FAM13C: variants seen among roughly 807,000 people sequenced by gnomAD.
FAM13C encodes family with sequence similarity 13 member C.
Under a neutral mutation model 73.2 loss-of-function variants are expected in FAM13C, and 37 were observed. That is an observed-to-expected ratio of 0.51 (90% confidence interval 0.39 to 0.67). The LOEUF (loss-of-function observed/expected upper bound fraction) is 0.67. Ranked by LOEUF, FAM13C falls within the 30% of genes least tolerant of loss-of-function variation. The pLI is 0.00. For synonymous variants in FAM13C, 246 were observed against 260.9 expected, an observed-to-expected ratio of 0.94 and a Z score of 0.55; for missense variants, 589 against 715.6, an observed-to-expected ratio of 0.82 and a Z score of 2.02.
At chr10:59,362,242 C>A (rs986177682) in intron 1 of FAM13C, among the ~76,000 whole-genome samples, 157 bp downstream of exon 1, 1 of 152,146 alleles carries the variant, frequency 6.6e-6, no homozygotes, top group Non-Finnish European at 1.5e-5. Flanking sequence ...TTTCTGGGCC[C>A]CACCAGTCAG....
chr10:59,283,576 G>A (rs773892485), intron 5 of FAM13C, 129 bp from the exon 6 acceptor site: 3 of 871,454 alleles, frequency 3.4e-6, no homozygotes, highest in Non-Finnish European at 5.8e-6. Flanking sequence ...TGTGTCCGCA[G>A]CTCCCGCAAG....
At chr10:59,274,006 C>A (rs563793326) in intron 6 of FAM13C, among the ~76,000 whole-genome samples, 1 of 152,202 alleles carries the variant, frequency 6.6e-6, no homozygotes, top group African/African-American at 2.4e-5. Flanking sequence ...ATGGTGGGCT[C>A]ATAAATAGCA....
chr10:59,277,297 TC>T (rs1844428179), intron 6 of FAM13C, among the ~76,000 whole-genome samples: 1 of 152,166 alleles, frequency 6.6e-6, no homozygotes, highest in Middle Eastern at 3.2e-3. Flanking sequence ...TGGAAAACAA[TC>T]CCACAGGCAT....
intron 5 of FAM13C, among the ~76,000 whole-genome samples, chr10:59,301,996 C>T (rs976866751): frequency 4.8e-5 from 7 of 144,732 alleles, no homozygotes; most frequent in Non-Finnish European, 1.0e-4. Context: ...GGAAGGGATG[C>T]ATCTTCAAAA....
chr10:59,351,621 G>A (rs529122202), intron 3 of FAM13C, among the ~76,000 whole-genome samples: 3 of 152,222 alleles, frequency 2.0e-5, no homozygotes, highest in South Asian at 4.1e-4. Context: ...CACGTCTGAG[G>A]CACGAAAACA....
At chr10:59,252,755 A>G in intron 12 of FAM13C, 44 bp downstream of exon 12, 1 of 1,588,152 alleles carries the variant, frequency 6.3e-7, no homozygotes, top group Non-Finnish European at 8.6e-7. Context: ...GTATCAGACC[A>G]GAAGGAGTTA....
chr10:59,301,583 T>A (rs1413479624), intron 5 of FAM13C, among the ~76,000 whole-genome samples: 2 of 152,110 alleles, frequency 1.3e-5, no homozygotes, highest in African/African-American at 4.8e-5. Flanking sequence ...AAAGTTATCA[T>A]GAGTTGACTC....
intron 3 of FAM13C, among the ~76,000 whole-genome samples, chr10:59,331,595 G>T (rs1589649522): frequency 6.6e-6 from 1 of 152,120 alleles, no homozygotes; most frequent in African/African-American, 2.4e-5. Context: ...GTTCAGATTT[G>T]CACTGGAATA....
intron 3 of FAM13C, among the ~76,000 whole-genome samples, chr10:59,330,893 G>T (rs563882987): frequency 6.6e-6 from 1 of 152,068 alleles, no homozygotes; most frequent in South Asian, 2.1e-4. Context: ...CCTGAGCCCC[G>T]AAATACACCT....
chr10:59,258,900 A>G (rs1842205022), intron 10 of FAM13C, among the ~76,000 whole-genome samples: 1 of 152,192 alleles, frequency 6.6e-6, no homozygotes, highest in Non-Finnish European at 1.5e-5. Flanking sequence ...CAAAGATGCT[A>G]CAGTTGATGA....
upstream of FAM13C, chr10:59,362,759 T>G: frequency 2.2e-6 from 1 of 464,370 alleles, no homozygotes; most frequent in Non-Finnish European, 3.7e-6. Flanking sequence ...GACCCCGACC[T>G]CGCCAGCCCA....
chr10:59,334,391 A>G (rs938460940), intron 3 of FAM13C, among the ~76,000 whole-genome samples: 1 of 152,198 alleles, frequency 6.6e-6, no homozygotes, highest in Non-Finnish European at 1.5e-5. Context: ...TAATTCAAAT[A>G]TGTCAAAACT....
intron 13 of FAM13C, chr10:59,251,110 T>G (rs529687489): frequency 1.4e-4 from 23 of 169,818 alleles, no homozygotes; most frequent in African/African-American, 4.5e-4. Flanking sequence ...TATGAATTTT[T>G]GATCGACTCT....
intron 5 of FAM13C, among the ~76,000 whole-genome samples, chr10:59,287,336 CAAAAAAAAAAAAAAAAAA>C (rs58759332): frequency 1.4e-5 from 1 of 73,808 alleles, no homozygotes; most frequent in Non-Finnish European, 2.3e-5. Context: ...GACTCTGTCT[CAAAAAAAAAAAAAAAAAA>C]AAAAAAAAAA....
rs1238149540 is a variant in FAM13C at position 59,353,299 on chromosome 10, CT to C, written c.120-826del. Among the ~76,000 whole-genome samples the C allele has an allele frequency of 7.2e-5, 11 of 152,318 alleles. No homozygotes were observed. In the Middle Eastern group the frequency reaches 0.014, roughly 188 times the overall value. ...CTCTTATTTGAAGCCATTCTTCCCA[CT>C]TAAATCTAGATGCATTTTATTTTTC... On this transcript the variant is annotated intron_variant, in intron 2 of 13. Transcript: ENST00000618804.
Position 59,247,722 on chromosome 10 carries a change from T to C in FAM13C, c.1650A>G (p.Glu550=), listed in dbSNP as rs1840842611. Residue 550 remains glutamate, a synonymous_variant, in exon 14 of 14, where the codon GAA becomes GAG. Coordinates refer to ENST00000618804, the MANE Select transcript of FAM13C (RefSeq NM_198215.4). ...ACTCATCTGCCATTGGTATCCTATC[T>C]TCCTTTTGTGGACTTCTGCAAAACA... The part of the protein sequence containing the change: ...FKQTGRSPQK[E]DRIPMADEYY... 1 of 1,611,626 alleles carries C rather than the reference T, an allele frequency of 6.2e-7. No individual in the cohort carries two copies. The highest frequency in any genetic ancestry group is 1.3e-5 in the African/African-American group (1 of 74,850).
At chr10:59,336,492 C>T (rs113519529) in intron 3 of FAM13C, among the ~76,000 whole-genome samples, 1 of 152,190 alleles carries the variant, frequency 6.6e-6, no homozygotes, top group Non-Finnish European at 1.5e-5. Context: ...TTCACTTCCA[C>T]TCCTAGAGCT....
chr10:59,358,708 G>T (rs559411810), intron 1 of FAM13C, among the ~76,000 whole-genome samples: 9 of 152,154 alleles, frequency 5.9e-5, no homozygotes, highest in Non-Finnish European at 8.8e-5. Flanking sequence ...CCCCTCATTT[G>T]ATTTATTAAT....
At chr10:59,251,417 T>C (rs766631279) in intron 13 of FAM13C, 158 bp downstream of exon 13, 1 of 692,420 alleles carries the variant, frequency 1.4e-6, no homozygotes, top group Non-Finnish European at 2.6e-6. Context: ...ATACTGGCAC[T>C]ATTAGAATGT....
Sources: allele counts gnomAD v4.1 joint callset (sites outside exome capture counted in the v4.1 genomes callset), GRCh38; gene constraint gnomAD v4.1.1; transcripts MANE v1.5; gene names NCBI Gene and HGNC (gene_info 2026-07-23, HGNC 2026-07-21).